Variants in PCDHGB1 observed in about 807,000 individuals in gnomAD.
The protein encoded by PCDHGB1 is protocadherin gamma-B1.
In PCDHGB1, 34 loss-of-function variants were observed where a neutral mutation model predicts 56.6. That is an observed-to-expected ratio of 0.60 (90% confidence interval 0.46 to 0.80). PCDHGB1 has a LOEUF of 0.80. Ranked by LOEUF, PCDHGB1 falls within the 30% of genes least tolerant of loss-of-function variation. The probability of loss-of-function intolerance (pLI) is 0.00; values close to 1 mark genes in which losing one functional copy is unlikely to be tolerated. For missense variants in PCDHGB1, 1,278 were observed against 1,204.6 expected (o/e 1.06, Z -0.90); for synonymous variants, 561 against 505.9 (o/e 1.11, Z -1.46).
chr5:141,451,408 T>C (rs1244686397), intron 1 of PCDHGB1, among the ~76,000 whole-genome samples: 1 of 152,204 alleles, frequency 6.6e-6, no homozygotes, highest in Non-Finnish European at 1.5e-5. Flanking sequence ...ATTAAGTTCC[T>C]TGTGGATTGT....
chr5:141,361,182 G>C, intron 1 of PCDHGB1: 1 of 1,613,884 alleles, frequency 6.2e-7, no homozygotes, highest in Non-Finnish European at 8.5e-7. Context: ...AAGTTATTGT[G>C]ACTTCAGTAT....
intron 1 of PCDHGB1, among the ~76,000 whole-genome samples, chr5:141,453,393 A>G (rs2098764590): frequency 6.6e-6 from 1 of 152,018 alleles, no homozygotes; most frequent in Non-Finnish European, 1.5e-5. Flanking sequence ...CTTAGCCTCC[A>G]AGTGCTGGTA....
At chr5:141,389,355 G>C in intron 1 of PCDHGB1, 2 of 1,613,950 alleles carry the variant, frequency 1.2e-6, no homozygotes, top group Non-Finnish European at 1.7e-6. Flanking sequence ...CTGCATCATG[G>C]CCAGTGACCT....
intron 1 of PCDHGB1, among the ~76,000 whole-genome samples, chr5:141,402,311 A>G (rs1174114133): frequency 1.3e-5 from 2 of 152,022 alleles, no homozygotes; most frequent in Non-Finnish European, 2.9e-5. Flanking sequence ...ATACAATTAT[A>G]TATTTTACAT....
At chr5:141,417,770 T>G in intron 1 of PCDHGB1, 1 of 1,456,418 alleles carries the variant, frequency 6.9e-7, no homozygotes, top group Non-Finnish European at 9.1e-7. Context: ...CCGGGACTCC[T>G]CCTGTCCTGG....
chr5:141,430,914 T>G (rs750607631), intron 1 of PCDHGB1: 1 of 1,607,676 alleles, frequency 6.2e-7, no homozygotes, highest in Non-Finnish European at 8.5e-7. Context: ...TCCAGGGACC[T>G]GGGGCTGGAG....
chr5:141,485,744 G>T lies in PCDHGB1; in HGVS notation c.2410-9063G>T. 1 of 1,614,226 alleles carries T rather than the reference G, an allele frequency of 6.2e-7. No individual in the cohort carries two copies. Among genetic ancestry groups the T allele is most frequent in the Non-Finnish European group, 8.5e-7 (1 of 1,180,038 alleles). On this transcript the variant is annotated intron_variant, in intron 1 of 3. Transcript: ENST00000523390. The surrounding 1 kb of genome is among the most constrained non-coding windows in gnomAD (Gnocchi z 5.7). ...GAAGAAGCGCAGCGACGGCAGCCTG[G>T]TCCCAGAGCTGCTCCTGGAGAAGCC...
At chr5:141,478,563 C>G (rs1484075735) in intron 1 of PCDHGB1, 16 of 1,596,154 alleles carry the variant, frequency 1.0e-5, no homozygotes, top group African/African-American at 1.3e-5. Context: ...TTTAGCAAGT[C>G]ATGCTTGACC....
At chr5:141,361,246 A>G in intron 1 of PCDHGB1, 2 of 1,613,980 alleles carry the variant, frequency 1.2e-6, no homozygotes, top group Non-Finnish European at 1.7e-6. Flanking sequence ...CTTGATAAAA[A>G]CGAGAGACAG....
chr5:141,400,058 ATGG>A (rs2093953327), intron 1 of PCDHGB1: 1 of 1,613,570 alleles, frequency 6.2e-7, no homozygotes, highest in Admixed American at 1.7e-5. Flanking sequence ...GCTGTGCGTG[ATGG>A]TGGACAGCCG....
At chr5:141,374,753 A>C in intron 1 of PCDHGB1, 1 of 1,612,912 alleles carries the variant, frequency 6.2e-7, no homozygotes, top group Admixed American at 1.7e-5. Context: ...TGTCCGCTCA[A>C]GCGTCGCCCA....
At chr5:141,422,725 G>C (rs1424048338) in intron 1 of PCDHGB1, 1 of 1,606,156 alleles carries the variant, frequency 6.2e-7, no homozygotes, top group African/African-American at 1.3e-5. Flanking sequence ...TGTCCAGGGG[G>C]TGCCTCTGTC....
chr5:141,475,731 C>T (rs991175739), intron 1 of PCDHGB1, among the ~76,000 whole-genome samples: 1 of 152,248 alleles, frequency 6.6e-6, no homozygotes, highest in African/African-American at 2.4e-5. Context: ...GGCTGGCTTT[C>T]CCTAAGGTAG....
At chr5:141,401,656 T>G (rs1400500695) in intron 1 of PCDHGB1, among the ~76,000 whole-genome samples, 1 of 152,248 alleles carries the variant, frequency 6.6e-6, no homozygotes, top group East Asian at 1.9e-4. Context: ...AATGACTGGA[T>G]GTTTTCTCAA....
chr5:141,390,539 A>T (rs774441899), intron 1 of PCDHGB1: 22 of 514,666 alleles, frequency 4.3e-5, no homozygotes, highest in Non-Finnish European at 6.5e-5. Flanking sequence ...TTTTAACCAC[A>T]AAGTGAAAGT....
rs775051431 is a variant in PCDHGB1, at chr5:141,376,309, C to T, written c.2409+23640C>T. 2.5e-6 allele frequency: 4 copies of T among 1,614,030 alleles called. No individual in the cohort carries two copies. The East Asian group carries it at 6.7e-5, about 27-fold the overall frequency. On this transcript the variant is annotated intron_variant, in intron 1 of 3. Transcript: ENST00000523390. Reference sequence around the variant, plus strand: ...GCATGCCCGGCTCGCACTTTGTGGGCGTGGAAGGGGTTCGGGCTTTCCTGC... The same window carrying T: ...GCATGCCCGGCTCGCACTTTGTGGGTGTGGAAGGGGTTCGGGCTTTCCTGC...
In PCDHGB1 at chr5:141,432,265, G is replaced by A. The variant is rs756993242; in HGVS notation, c.2410-62542G>A. On this transcript the variant is annotated intron_variant, in intron 1 of 3. Transcript: ENST00000523390. The surrounding 1 kb of genome is among the most constrained non-coding windows in gnomAD (Gnocchi z 6.0). ...ACACCATCCAAGGGGCAAGCCTATCGTCCTACGTGTCCATCAACTCCGACA... is the reference window on the plus strand; with the variant it reads ...ACACCATCCAAGGGGCAAGCCTATCATCCTACGTGTCCATCAACTCCGACA... 2.5e-6 allele frequency: 4 copies of A among 1,614,092 alleles called. No individual in the cohort carries two copies. The highest frequency in any genetic ancestry group is 1.7e-5 in the Admixed American group (1 of 60,004).
Position 141,477,968 on chromosome 5 carries a change from C to T in PCDHGB1, c.2410-16839C>T. 6.2e-7 allele frequency: 1 copy of T among 1,614,140 alleles called. No individual in the cohort carries two copies. Among genetic ancestry groups the T allele is most frequent in the Non-Finnish European group, 8.5e-7 (1 of 1,180,042 alleles). The stretch of plus-strand genomic sequence containing the variant: ...TCTCTTGGGATCCCCTAACCAGAGC[C>T]TTTTTGCCATAGGGCTGCACACTGG... On this transcript the variant is annotated intron_variant, in intron 1 of 3. Transcript: ENST00000523390. The surrounding 1 kb of genome is among the most constrained non-coding windows in gnomAD (Gnocchi z 4.9).
In PCDHGB1 at chr5:141,364,445, C is replaced by A. The variant is rs1369788855; in HGVS notation, c.2409+11776C>A. The A allele has an allele frequency of 4.3e-6, 7 of 1,613,802 alleles. No individual in the cohort carries two copies. Among genetic ancestry groups the A allele is most frequent in the Non-Finnish European group, 5.9e-6 (7 of 1,179,850 alleles). The stretch of plus-strand genomic sequence containing the variant: ...GATCCGCTACTCGATGCCGGAGGAG[C>A]TGGACAAAGGCTCCTTCGTCGGCAA... On this transcript the variant is annotated intron_variant, in intron 1 of 3. Transcript: ENST00000523390.
Sources: gnomAD v4.1 joint callset for allele counts (sites outside exome capture counted in the v4.1 genomes callset) on GRCh38, gnomAD v4.1.1 for gene constraint, Gnocchi (gnomAD v3.1) non-coding constraint, MANE v1.5 for transcripts, NCBI Gene and HGNC (gene_info 2026-07-23, HGNC 2026-07-21) for gene names.